Variants in SNIP1 observed in about 807,000 individuals in gnomAD.
SNIP1 encodes smad nuclear-interacting protein 1.
A neutral mutation model predicts 37.4 loss-of-function variants in SNIP1; 23 were observed. The ratio of observed to expected loss-of-function variants is 0.61; its 90% confidence interval spans 0.44 to 0.87. SNIP1 has a LOEUF of 0.87. Ranked by LOEUF, SNIP1 falls within the 40% of genes least tolerant of loss-of-function variation. The pLI is 0.00. For synonymous variants in SNIP1, 174 were observed against 200.0 expected (o/e 0.87, Z 1.10); for missense variants, 459 against 540.4 (o/e 0.85, Z 1.49).
chr1:37,545,011 G>A (rs1643215824), intron 2 of SNIP1: 1 of 762,558 alleles, frequency 1.3e-6, no homozygotes, highest in Non-Finnish European at 2.4e-6. Flanking sequence ...GGGACTTCAA[G>A]AAACCAGACC....
At chr1:37,551,388 G>A (rs1417514655) in intron 2 of SNIP1, among the ~76,000 whole-genome samples, 1 of 152,080 alleles carries the variant, frequency 6.6e-6, no homozygotes, top group African/African-American at 2.4e-5. Context: ...CAGGGAAACC[G>A]GATCATTCAT....
intron 3 of SNIP1, among the ~76,000 whole-genome samples, chr1:37,538,324 T>C (rs1215402529): frequency 1.3e-5 from 2 of 151,924 alleles, no homozygotes; most frequent in Non-Finnish European, 2.9e-5. Context: ...CTGGCTAACA[T>C]GGTGAAACCC....
chr1:37,542,979 G>C (rs1182249830), intron 2 of SNIP1, among the ~76,000 whole-genome samples: 1 of 151,144 alleles, frequency 6.6e-6, no homozygotes, highest in Non-Finnish European at 1.5e-5. Flanking sequence ...ATGATCACTT[G>C]AGCCCAGGAG....
At chr1:37,551,138 A>C (rs1268245345) in intron 2 of SNIP1, among the ~76,000 whole-genome samples, 1 of 151,202 alleles carries the variant, frequency 6.6e-6, no homozygotes, top group African/African-American at 2.4e-5. Flanking sequence ...CCAATATCAT[A>C]AGCCATTAGG....
chr1:37,549,558 G>A (rs949353730), intron 2 of SNIP1, among the ~76,000 whole-genome samples: 1 of 152,004 alleles, frequency 6.6e-6, no homozygotes, highest in African/African-American at 2.4e-5. Flanking sequence ...GGGACCACAG[G>A]CATGCCACCA....
intron 2 of SNIP1, among the ~76,000 whole-genome samples, chr1:37,544,505 G>A (rs139719442): frequency 6.6e-6 from 1 of 151,974 alleles, no homozygotes; most frequent in Non-Finnish European, 1.5e-5. Context: ...GATCCCCAAG[G>A]ACTTCATTCA....
intron 2 of SNIP1, among the ~76,000 whole-genome samples, chr1:37,552,224 A>G (rs1270648411): frequency 6.6e-6 from 1 of 152,258 alleles, no homozygotes; most frequent in East Asian, 1.9e-4. Flanking sequence ...AAGGAAGGAT[A>G]AAAGTGGGAG....
intron 2 of SNIP1, among the ~76,000 whole-genome samples, chr1:37,549,870 G>A (rs1193354549): frequency 2.0e-5 from 3 of 152,208 alleles, no homozygotes; most frequent in Non-Finnish European, 4.4e-5. Flanking sequence ...TCAAGACTGT[G>A]TGGTATTGGC....
At chr1:37,544,728 G>T in intron 2 of SNIP1, 1 of 640,726 alleles carries the variant, frequency 1.6e-6, no homozygotes, top group South Asian at 1.5e-5. Flanking sequence ...CCAGCGCCGT[G>T]CAGCCACCGC....
chr1:37,550,492 A>C (rs894695072), intron 2 of SNIP1, among the ~76,000 whole-genome samples: 4 of 150,870 alleles, frequency 2.7e-5, no homozygotes, highest in African/African-American at 7.3e-5. Flanking sequence ...GAATCACCAG[A>C]GGTCAGGAGT....
rs1319248667 is a variant in SNIP1, at chr1:37,540,531, G to A, written c.552C>T (p.Ala184=). The change falls in exon 3 of 4, where the codon GCC becomes GCT. Residue 184 remains alanine (A), a synonymous_variant. Transcript: ENST00000296215. The surrounding 1 kb of genome is among the most constrained non-coding windows in gnomAD (Gnocchi z 5.6). Reference sequence around the variant, plus strand: ...TCCTCTGGCGATGCTCCCGTCGCCTGGCATTATAAAACTCCCGCTCTTCTT... The same window carrying A: ...TCCTCTGGCGATGCTCCCGTCGCCTAGCATTATAAAACTCCCGCTCTTCTT... ...AQEEEREFYN[A]RRREHRQRND... The A allele has an allele frequency of 3.7e-6, 6 of 1,614,078 alleles. No homozygotes were observed. Among genetic ancestry groups the A allele is most frequent in the Non-Finnish European group, 5.1e-6 (6 of 1,180,006 alleles).
rs1210897886 is a variant in SNIP1, at chr1:37,536,734, T to C, written c.*1014A>G. ...ACTTTGCTACTTACACATATTCCTC[T>C]GGTGGAAAACTAGGACACTGGGAAA... On this transcript the variant is annotated 3_prime_UTR_variant, in exon 4 of 4. Coordinates refer to ENST00000296215, the MANE Select transcript of SNIP1 (RefSeq NM_024700.4). The C allele has an allele frequency of 6.6e-6, 1 of 152,172 alleles. No homozygotes were observed. The allele number at this position is 152,172 out of a possible 1,614,324, so 9.4% of individuals were successfully genotyped here. A position where few individuals can be genotyped will look rare whatever the true frequency, so the allele number is the denominator to read the frequency against.
At chr1:37,549,696 G>A (rs965927961) in intron 2 of SNIP1, among the ~76,000 whole-genome samples, 5 of 152,210 alleles carry the variant, frequency 3.3e-5, no homozygotes, top group African/African-American at 1.2e-4. Flanking sequence ...ACAGGCATGA[G>A]TCGCTGTGAC....
Position 37,540,390 on chromosome 1 carries a change from T to A in SNIP1, c.693A>T (p.Ala231=). Residue 231 remains alanine, a synonymous_variant, in exon 3 of 4, where the codon GCA becomes GCT. Coordinates refer to ENST00000296215, the MANE Select transcript of SNIP1 (RefSeq NM_024700.4). This position sits in a 1 kb window ranked among gnomAD's most constrained non-coding sequence, Gnocchi z 5.6. ...GGAAAGTGTTGGTGTCCTCAAGAAG[T>A]GCCCCAGAAAGTTCAAAGCTTGGTT... ...KEKPSFELSG[A]LLEDTNTFRG... 6.2e-7 allele frequency: 1 copy of A among 1,614,176 alleles called. No homozygotes were observed. Among genetic ancestry groups the A allele is most frequent in the Non-Finnish European group, 8.5e-7 (1 of 1,180,026 alleles).
At chr1:37,551,453 C>T (rs1643301381) in intron 2 of SNIP1, among the ~76,000 whole-genome samples, 1 of 152,100 alleles carries the variant, frequency 6.6e-6, no homozygotes, top group Non-Finnish European at 1.5e-5. Flanking sequence ...CTAAATTGTA[C>T]CCTCCAAAAT....
At chr1:37,551,323 C>T (rs1413646794) in intron 2 of SNIP1, among the ~76,000 whole-genome samples, 4 of 149,830 alleles carry the variant, frequency 2.7e-5, no homozygotes, top group Non-Finnish European at 4.4e-5. Flanking sequence ...AATACCACTA[C>T]ACGCCTATCA....
Position 37,540,586 on chromosome 1 carries a change from TC to T in SNIP1, c.496del (p.Asp166IlefsTer77). 6.2e-7 allele frequency: 1 copy of T among 1,614,074 alleles called. No homozygotes were observed. Among genetic ancestry groups the T allele is most frequent in the Non-Finnish European group, 8.5e-7 (1 of 1,179,998 alleles). On this transcript the variant is annotated frameshift_variant, in exon 3 of 4. Transcript: ENST00000296215. LOFTEE classifies it high-confidence loss of function. The surrounding 1 kb of genome is among the most constrained non-coding windows in gnomAD (Gnocchi z 5.6). ...AGCCTGCAGGTTCTGAGTGTCTCGATCCCGTCCCTGACCCTGCCCACTCCCA... is the reference window on the plus strand; with the variant it reads ...AGCCTGCAGGTTCTGAGTGTCTCGATCCGTCCCTGACCCTGCCCACTCCCA... ...RPGSGQGQGR[D>X]RDTQNLQAQE...
rs935876664 is a variant in SNIP1 at position 37,554,291 on chromosome 1, G to T, written c.-62C>A. On this transcript the variant is annotated 5_prime_UTR_variant, in exon 1 of 4. Coordinates refer to ENST00000296215, the MANE Select transcript of SNIP1 (RefSeq NM_024700.4). ...TTGAGCTCCTCTAGCTGGAGGAAAT[G>T]ACGAGTTTAACTCCTGGACTTCCGC... is the stretch of plus-strand genomic sequence containing the variant. 3.3e-5 allele frequency: 49 copies of T among 1,503,946 alleles called. No individual in the cohort carries two copies. Among genetic ancestry groups the T allele is most frequent in the South Asian group, 5.2e-5 (4 of 77,534 alleles). The allele number at this position is 1,503,946 out of a possible 1,614,324, so 93.2% of individuals were successfully genotyped here. A position where few individuals can be genotyped will look rare whatever the true frequency, so the allele number is the denominator to read the frequency against.
intron 2 of SNIP1, among the ~76,000 whole-genome samples, chr1:37,547,411 T>G (rs1178551490): frequency 2.0e-5 from 3 of 152,180 alleles, no homozygotes; most frequent in Non-Finnish European, 4.4e-5. Flanking sequence ...ATTATTACAA[T>G]GAGCATGTAA....
Sources: allele counts gnomAD v4.1 joint callset (sites outside exome capture counted in the v4.1 genomes callset), GRCh38; gene constraint gnomAD v4.1.1; non-coding constraint Gnocchi (gnomAD v3.1); transcripts MANE v1.5; gene names NCBI Gene and HGNC (gene_info 2026-07-23, HGNC 2026-07-21).